NKD1: variants seen among roughly 807,000 people sequenced by gnomAD.
NKD1 encodes NKD inhibitor of Wnt signaling pathway 1.
A neutral mutation model predicts 56.0 loss-of-function variants in NKD1; 21 were observed. The observed-to-expected ratio is 0.38, with a 90% CI of 0.27 to 0.54. The LOEUF (loss-of-function observed/expected upper bound fraction) is 0.54. Among genes scored for constraint, NKD1 ranks in the 20% least tolerant of loss-of-function variants. The probability of loss-of-function intolerance (pLI) is 0.82; values close to 1 mark genes in which losing one functional copy is unlikely to be tolerated. For synonymous variants in NKD1, 263 were observed against 265.7 expected, an observed-to-expected ratio of 0.99 and a Z score of 0.10; for missense variants, 578 against 642.7, an observed-to-expected ratio of 0.90 and a Z score of 1.09.
chr16:50,605,428 G>T (rs1188216075), intron 3 of NKD1, among the ~76,000 whole-genome samples: 2 of 152,252 alleles, frequency 1.3e-5, no homozygotes, highest in Non-Finnish European at 2.9e-5. Flanking sequence ...CAGGGCTGTT[G>T]TGATGATTCA....
At position 50,608,490 on chromosome 16, in the gene NKD1, G is replaced by T. The variant is rs1961769134; in HGVS notation, c.259+130G>T. ...CACAACAGGGACCTTGTGACTCTGGGTGGGGGTGGACTAGAGGGTGGGATG... is the reference window on the plus strand; with the variant it reads ...CACAACAGGGACCTTGTGACTCTGGTTGGGGGTGGACTAGAGGGTGGGATG... On this transcript the variant is annotated intron_variant, in intron 4 of 9. Coordinates refer to ENST00000268459, the MANE Select transcript of NKD1 (RefSeq NM_033119.5). 1.1e-5 allele frequency: 8 copies of T among 703,314 alleles called. 1 individual carries two copies. The highest frequency in any genetic ancestry group is 2.1e-5 in the Non-Finnish European group (8 of 381,824). The allele number at this position is 703,314 out of a possible 1,614,324, so 43.6% of individuals were successfully genotyped here.
intron 3 of NKD1, among the ~76,000 whole-genome samples, chr16:50,579,345 A>C (rs1288753205): frequency 3.6e-4 from 51 of 143,186 alleles, no homozygotes; most frequent in African/African-American, 1.3e-3. Flanking sequence ...CCACGCATGC[A>C]CTGTCTTACT....
chr16:50,606,353 A>T (rs1961709324), intron 3 of NKD1: 2 of 161,332 alleles, frequency 1.2e-5, no homozygotes, highest in African/African-American at 4.8e-5. Context: ...GGCTGGGGAG[A>T]TGAATTTTTG....
At chr16:50,628,412 G>A (rs960115578) in intron 6 of NKD1, among the ~76,000 whole-genome samples, 2 of 152,210 alleles carry the variant, frequency 1.3e-5, no homozygotes, top group Non-Finnish European at 2.9e-5. Context: ...TTCAGCCTGT[G>A]GGACTTACAG....
At position 50,623,425 on chromosome 16, in the gene NKD1, C is replaced by T. The variant is rs560479833; in HGVS notation, c.366+1717C>T. Among the ~76,000 whole-genome samples, 1 of 152,238 alleles carries T rather than the reference C, an allele frequency of 6.6e-6. No homozygotes were observed. The highest frequency in any genetic ancestry group is 6.5e-5 in the Admixed American group (1 of 15,290). On this transcript the variant is annotated intron_variant, in intron 5 of 9. Coordinates refer to ENST00000268459, the MANE Select transcript of NKD1 (RefSeq NM_033119.5). This position sits in a 1 kb window ranked among gnomAD's most constrained non-coding sequence, Gnocchi z 4.1. ...CTGGAGCCCAGCCCCGCCCTAAGCC[C>T]ACCTGGGTCCTTGTAGGGTCTTTTG... is the stretch of plus-strand genomic sequence containing the variant.
chr16:50,629,601 A>G (rs1198081258), intron 6 of NKD1, among the ~76,000 whole-genome samples: 2 of 152,152 alleles, frequency 1.3e-5, no homozygotes, highest in Non-Finnish European at 2.9e-5. Flanking sequence ...GCCCAAAAGC[A>G]CAAGGGAGGG....
rs1962360901 is a variant in NKD1 at position 50,632,206 on chromosome 16, G to C, written c.696-75G>C. ...GAAGGGTCCAGAGTTCATTCTGGGG[G>C]CTTCCTAGTAGCCTATGCGCTTGCC... On this transcript the variant is annotated intron_variant, in intron 8 of 9. Transcript: ENST00000268459. The surrounding 1 kb of genome is among the most constrained non-coding windows in gnomAD (Gnocchi z 4.1). The C allele has an allele frequency of 6.9e-7, 1 of 1,448,808 alleles. No individual in the cohort carries two copies. Among genetic ancestry groups the C allele is most frequent in the African/African-American group, 1.4e-5 (1 of 71,230 alleles). The allele number at this position is 1,448,808 out of a possible 1,614,324, so 89.7% of individuals were successfully genotyped here.
At chr16:50,576,939 G>A (rs903358261) in intron 3 of NKD1, among the ~76,000 whole-genome samples, 1 of 152,142 alleles carries the variant, frequency 6.6e-6, no homozygotes, top group African/African-American at 2.4e-5. Context: ...GGCCCCTGCT[G>A]GGCCCTGTGA....
intron 3 of NKD1, chr16:50,566,139 G>A (rs1167207699): frequency 2.0e-6 from 2 of 985,066 alleles, no homozygotes; most frequent in Non-Finnish European, 1.2e-6. Context: ...TGGTTAAGTA[G>A]GTGTGAACTT....
Position 50,645,489 on chromosome 16 carries a change from C to T in NKD1, c.*11708C>T, listed in dbSNP as rs934246906. The stretch of plus-strand genomic sequence containing the variant: ...CTGTATGGCCGGGTACAGCTGGCAA[C>T]GAGGAGGCCCGGTATGGGCAGAATC... On this transcript the variant is annotated 3_prime_UTR_variant, in exon 10 of 10. Transcript: ENST00000268459. The T allele has an allele frequency of 3.3e-5, 5 of 152,296 alleles. No homozygotes were observed. Among genetic ancestry groups the T allele is most frequent in the Admixed American group, 6.5e-5 (1 of 15,270 alleles). 9.4% of individuals were successfully genotyped at this position (152,296 alleles called of 1,614,324 possible). A position where few individuals can be genotyped will look rare whatever the true frequency, so the allele number is the denominator to read the frequency against.
At chr16:50,553,258 C>T (rs1960429630) in intron 3 of NKD1, among the ~76,000 whole-genome samples, 1 of 152,210 alleles carries the variant, frequency 6.6e-6, no homozygotes, top group Non-Finnish European at 1.5e-5. Flanking sequence ...GACCTGTGTG[C>T]CTCTGTATAT....
intron 4 of NKD1, chr16:50,616,230 G>T (rs1245061604): frequency 2.9e-6 from 1 of 347,568 alleles, no homozygotes; most frequent in Non-Finnish European, 6.0e-6. Context: ...TCACTGAGAA[G>T]AACTTGCCAG....
intron 3 of NKD1, among the ~76,000 whole-genome samples, chr16:50,576,483 C>T (rs911702295): frequency 6.6e-6 from 1 of 152,112 alleles, no homozygotes; most frequent in Non-Finnish European, 1.5e-5. Flanking sequence ...GGAAGCAGTG[C>T]CTTTTGTTAT....
rs1296446299 is a variant in NKD1 at position 50,646,145 on chromosome 16, G to T, written c.*12364G>T. 1 of 152,040 alleles carries T rather than the reference G, an allele frequency of 6.6e-6. No homozygotes were observed. Among genetic ancestry groups the T allele is most frequent in the African/African-American group, 2.4e-5 (1 of 41,384 alleles). 9.4% of individuals were successfully genotyped at this position (152,040 alleles called of 1,614,324 possible). On this transcript the variant is annotated 3_prime_UTR_variant, in exon 10 of 10. Coordinates refer to ENST00000268459, the MANE Select transcript of NKD1 (RefSeq NM_033119.5). Reference sequence around the variant, plus strand: ...GGGGGAAGGGGGCCAGGGGGCGGCCGAAACTCTATTAGGCATGCTCTAGCA... The same window carrying T: ...GGGGGAAGGGGGCCAGGGGGCGGCCTAAACTCTATTAGGCATGCTCTAGCA...
intron 3 of NKD1, chr16:50,606,392 C>T (rs927626500): frequency 6.6e-5 from 15 of 228,902 alleles, no homozygotes; most frequent in Middle Eastern, 1.7e-3. Flanking sequence ...CAGTACAGTG[C>T]GTCCATGAAC....
rs1411151106 is a variant in NKD1, at chr16:50,639,218, A to G, written c.*5437A>G. The G allele has an allele frequency of 6.6e-6, 1 of 152,096 alleles. No individual in the cohort carries two copies. The highest frequency in any genetic ancestry group is 1.9e-4 in the East Asian group (1 of 5,160). 9.4% of individuals were successfully genotyped at this position (152,096 alleles called of 1,614,324 possible). A position where few individuals can be genotyped will look rare whatever the true frequency, so the allele number is the denominator to read the frequency against. On this transcript the variant is annotated 3_prime_UTR_variant, in exon 10 of 10. Transcript: ENST00000268459. ...CCAGCTAAGCCCCTAGAGCCTTGCAATTTCCCCCAAATGACCTCAGAGGGC... is the reference window on the plus strand; with the variant it reads ...CCAGCTAAGCCCCTAGAGCCTTGCAGTTTCCCCCAAATGACCTCAGAGGGC...
chr16:50,550,947 TC>T (rs1419279333), intron 3 of NKD1, among the ~76,000 whole-genome samples: 1 of 152,040 alleles, frequency 6.6e-6, no homozygotes, highest in Non-Finnish European at 1.5e-5. Context: ...TTGCAGTCCC[TC>T]CTTTTTCTTT....
At chr16:50,621,551 C>A in intron 4 of NKD1, 51 bp from the exon 5 acceptor site, 1 of 1,355,210 alleles carries the variant, frequency 7.4e-7, no homozygotes, top group Non-Finnish European at 1.0e-6. Context: ...AGCATGGCTG[C>A]CCGGCGTCTG....
In NKD1 at chr16:50,548,400, G is replaced by T. The variant is rs899067653; in HGVS notation, c.-154G>T. 17 of 311,104 alleles carry T rather than the reference G, an allele frequency of 5.5e-5. No individual in the cohort carries two copies. The highest frequency in any genetic ancestry group is 3.6e-4 in the African/African-American group (16 of 44,286). The allele number at this position is 311,104 out of a possible 1,614,324, so 19.3% of individuals were successfully genotyped here. On this transcript the variant is annotated 5_prime_UTR_variant, in exon 1 of 10. Coordinates refer to ENST00000268459, the MANE Select transcript of NKD1 (RefSeq NM_033119.5). ...GGCTCGGCGCTCCCGGGCGTCAGTCGGGCCGCGGCGACGGCGGCAGGAGCG... is the reference window on the plus strand; with the variant it reads ...GGCTCGGCGCTCCCGGGCGTCAGTCTGGCCGCGGCGACGGCGGCAGGAGCG...
Sources: gnomAD v4.1 joint callset for allele counts (sites outside exome capture counted in the v4.1 genomes callset) on GRCh38, gnomAD v4.1.1 for gene constraint, Gnocchi (gnomAD v3.1) non-coding constraint, MANE v1.5 for transcripts, NCBI Gene and HGNC (gene_info 2026-07-23, HGNC 2026-07-21) for gene names.